The following KLRF1 variants were observed in gnomAD, a reference collection of about 807,000 sequenced individuals.
KLRF1 encodes the protein killer cell lectin like receptor F1.
Under a neutral mutation model 30.7 loss-of-function variants are expected in KLRF1, and 27 were observed. The observed-to-expected ratio is 0.88, with a 90% CI of 0.65 to 1.21. KLRF1 has a LOEUF of 1.21. KLRF1 is among the 50% of genes most tolerant of loss of function. The pLI is 0.00. For synonymous variants in KLRF1, 92 were observed against 89.3 expected, an observed-to-expected ratio of 1.03 and a Z score of -0.17; for missense variants, 246 against 259.3, an observed-to-expected ratio of 0.95 and a Z score of 0.35.
the KLRF1 span, among the ~76,000 whole-genome samples, chr12:9,821,891 A>G: frequency 6.6e-6 from 1 of 152,222 alleles, no homozygotes; most frequent in Admixed American, 6.5e-5. Context: ...CCAAAGCTTT[A>G]ATACCAAACT....
At chr12:9,822,210 A>G in the KLRF1 span, among the ~76,000 whole-genome samples, 1 of 152,344 alleles carries the variant, frequency 6.6e-6, no homozygotes, top group African/African-American at 2.4e-5. Context: ...TATGGATAGA[A>G]ATGAAGATCA....
chr12:9,824,941 T>C (rs577460898), upstream of KLRF1, among the ~76,000 whole-genome samples: 14 of 152,054 alleles, frequency 9.2e-5, no homozygotes, highest in Non-Finnish European at 1.6e-4. Context: ...CAAGGATAAT[T>C]ACAAAACATT....
intron 3 of KLRF1, among the ~76,000 whole-genome samples, chr12:9,840,348 C>T (rs761496037): frequency 7.2e-5 from 11 of 151,848 alleles, no homozygotes; most frequent in Middle Eastern, 3.4e-3. Context: ...TTTTATGTTA[C>T]GTGAAGAAAA....
At chr12:9,802,839 T>C in the KLRF1 span, among the ~76,000 whole-genome samples, 1 of 152,092 alleles carries the variant, frequency 6.6e-6, no homozygotes, top group African/African-American at 2.4e-5. Flanking sequence ...AAACATTCCA[T>C]GCTCGTGGAT....
At chr12:9,819,657 A>G in the KLRF1 span, among the ~76,000 whole-genome samples, 1 of 152,026 alleles carries the variant, frequency 6.6e-6, no homozygotes, top group African/African-American at 2.4e-5. Flanking sequence ...CCCCTCTGGG[A>G]TGGGGTTTCC....
At chr12:9,822,089 A>T in the KLRF1 span, among the ~76,000 whole-genome samples, 1 of 152,378 alleles carries the variant, frequency 6.6e-6, no homozygotes, top group South Asian at 2.1e-4. Context: ...CAAGAACTCC[A>T]GCAACTCAAA....
At chr12:9,810,581 A>G in the KLRF1 span, among the ~76,000 whole-genome samples, 5 of 152,220 alleles carry the variant, frequency 3.3e-5, no homozygotes. Context: ...TTGAATGACT[A>G]GTAGGATATT....
At chr12:9,844,095 G>T (rs763739151) in intron 5 of KLRF1, among the ~76,000 whole-genome samples, 9 of 152,204 alleles carry the variant, frequency 5.9e-5, no homozygotes, top group Non-Finnish European at 8.8e-5. Flanking sequence ...GGCAAGAGAG[G>T]TTGTTAAGTG....
chr12:9,833,838 A>C (rs1455442703), intron 3 of KLRF1, among the ~76,000 whole-genome samples: 1 of 151,910 alleles, frequency 6.6e-6, no homozygotes, highest in Non-Finnish European at 1.5e-5. Flanking sequence ...TTAGACTTTT[A>C]AGCTTAGAAA....
At chr12:9,804,501 A>T in the KLRF1 span, among the ~76,000 whole-genome samples, 2 of 152,050 alleles carry the variant, frequency 1.3e-5, no homozygotes, top group African/African-American at 4.8e-5. Flanking sequence ...ATATCTAAAG[A>T]AACTATTTCT....
chr12:9,834,444 G>C (rs1776920480), intron 3 of KLRF1, among the ~76,000 whole-genome samples: 1 of 152,022 alleles, frequency 6.6e-6, no homozygotes, highest in South Asian at 2.1e-4. Flanking sequence ...AGAGATAATG[G>C]GCGATGTTTC....
At chr12:9,836,215 C>T (rs147058771) in intron 3 of KLRF1, among the ~76,000 whole-genome samples, 1,553 of 152,124 alleles carry the variant, frequency 0.01, 12 homozygotes, top group Middle Eastern at 0.017. Context: ...TTTGTCCTTA[C>T]CCTACTTTTT....
In KLRF1 at chr12:9,827,563, T is replaced by C; in HGVS notation, c.19T>C (p.Tyr7His). ...ATTGAAGATGCAAGATGAAGAAAGA[T>C]ACATGACATTGAATGTACAGTCAAA... Reference protein sequence around the residue: MQDEERYMTLNVQSKKR... With the variant: MQDEERHMTLNVQSKKR... The change falls in exon 1 of 6, where the codon TAC (tyrosine) becomes CAC (histidine). Residue 7 changes from tyrosine (Y) to histidine (H), a missense_variant. Coordinates refer to ENST00000617889, the MANE Select transcript of KLRF1 (RefSeq NM_016523.3). The C allele has an allele frequency of 6.2e-7, 1 of 1,605,012 alleles. No individual in the cohort carries two copies. Among genetic ancestry groups the C allele is most frequent in the Non-Finnish European group, 8.5e-7 (1 of 1,173,208 alleles).
the KLRF1 span, among the ~76,000 whole-genome samples, chr12:9,806,615 T>A: frequency 6.6e-6 from 1 of 152,148 alleles, no homozygotes; most frequent in East Asian, 1.9e-4. Context: ...TTACTAGAAC[T>A]ATTAACATGG....
intron 2 of KLRF1, 143 bp downstream of exon 2, chr12:9,832,557 A>G (rs1216062704): frequency 3.3e-6 from 2 of 599,848 alleles, no homozygotes; most frequent in Non-Finnish European, 5.9e-6. Context: ...CTCTATTAGT[A>G]CACTCCACAG....
the KLRF1 span, among the ~76,000 whole-genome samples, chr12:9,815,065 C>CA: frequency 6.6e-6 from 1 of 152,128 alleles, no homozygotes; most frequent in African/African-American, 2.4e-5. Flanking sequence ...GATAATTACA[C>CA]AACCGATGCA....
the KLRF1 span, among the ~76,000 whole-genome samples, chr12:9,807,057 T>C: frequency 2.0e-5 from 3 of 152,132 alleles, no homozygotes; most frequent in African/African-American, 7.2e-5. Context: ...TTAATTTCTT[T>C]AAAGATTTTT....
the KLRF1 span, among the ~76,000 whole-genome samples, chr12:9,822,383 T>C: frequency 3.9e-5 from 6 of 152,128 alleles, no homozygotes; most frequent in African/African-American, 9.7e-5. Context: ...ATTCCAAGTA[T>C]TGACAGTGGA....
the KLRF1 span, among the ~76,000 whole-genome samples, chr12:9,809,379 C>A: frequency 1.3e-5 from 2 of 152,152 alleles, no homozygotes; most frequent in African/African-American, 4.8e-5. Context: ...ACCATCTTAA[C>A]TTTCTCTTAG....
Sources: allele counts gnomAD v4.1 joint callset (sites outside exome capture counted in the v4.1 genomes callset), GRCh38; gene constraint gnomAD v4.1.1; transcripts MANE v1.5; gene names NCBI Gene and HGNC (gene_info 2026-07-23, HGNC 2026-07-21).